ZFR: variants seen among roughly 807,000 people sequenced by gnomAD.
ZFR encodes zinc finger RNA-binding protein.
In ZFR, 19 loss-of-function variants were observed where a neutral mutation model predicts 130.7. The ratio of observed to expected loss-of-function variants is 0.15; its 90% CI spans 0.10 to 0.21. The LOEUF (loss-of-function observed/expected upper bound fraction) is 0.21. Among genes scored for constraint, ZFR ranks in the 10% least tolerant of loss-of-function variants. The pLI is 1.00. For synonymous variants in ZFR, 466 were observed against 456.9 expected (o/e 1.02, Z -0.25); for missense variants, 872 against 1,321.5 (o/e 0.66, Z 5.27).
rs373351555 is a variant in ZFR at position 32,444,218 on chromosome 5, G to A, written c.137+11C>T. The A allele has an allele frequency of 3.0e-4, 477 of 1,595,742 alleles. No homozygotes were observed. In the African/African-American group the frequency reaches 5.9e-3, roughly 20 times the overall value. ...CAAGGGGCGAACAGAGAGAAGGCAGGATGCCGTTACCTATATTGGGCCGCA... is the reference window on the plus strand; with the variant it reads ...CAAGGGGCGAACAGAGAGAAGGCAGAATGCCGTTACCTATATTGGGCCGCA... On this transcript the variant is annotated intron_variant, in intron 2 of 19. Coordinates refer to ENST00000265069, the MANE Select transcript of ZFR (RefSeq NM_016107.5).
At chr5:32,362,808 ACTTT>A (rs1367449597) in intron 19 of ZFR, among the ~76,000 whole-genome samples, 6 of 152,314 alleles carry the variant, frequency 3.9e-5, no homozygotes, top group South Asian at 4.1e-4. Context: ...AAACCAGACC[ACTTT>A]CTTTAAGGTC....
chr5:32,376,980 C>CAAAA (rs1752828457), intron 17 of ZFR, among the ~76,000 whole-genome samples: 1 of 55,162 alleles, frequency 1.8e-5, no homozygotes, highest in Non-Finnish European at 3.5e-5. Context: ...GAAAAAAAAC[C>CAAAA]CCTGTCTCTA....
intron 4 of ZFR, among the ~76,000 whole-genome samples, chr5:32,416,914 C>CTTT (rs57923621): frequency 9.0e-4 from 131 of 146,336 alleles, no homozygotes; most frequent in Middle Eastern, 7.1e-3. Flanking sequence ...CATTTTTTTT[C>CTTT]TTTTTTTTTT....
At chr5:32,425,165 T>A (rs1233096286) in intron 2 of ZFR, among the ~76,000 whole-genome samples, 6 of 152,234 alleles carry the variant, frequency 3.9e-5, no homozygotes, top group Non-Finnish European at 7.3e-5. Flanking sequence ...TATTCAGTGA[T>A]GTGGAGCTTA....
chr5:32,422,454 T>C (rs1359902941), intron 2 of ZFR, among the ~76,000 whole-genome samples: 2 of 152,240 alleles, frequency 1.3e-5, no homozygotes, highest in South Asian at 2.1e-4. Flanking sequence ...CTGCTCTGTA[T>C]AGCCAGGTCT....
intron 7 of ZFR, 60 bp downstream of exon 7, chr5:32,403,846 T>C (rs980561974): frequency 1.1e-5 from 16 of 1,469,660 alleles, no homozygotes; most frequent in Non-Finnish European, 1.3e-5. Flanking sequence ...CTAACCCCCT[T>C]TGAAAAAGTA....
intron 17 of ZFR, among the ~76,000 whole-genome samples, chr5:32,371,863 G>GAA (rs758339856): frequency 7.1e-6 from 1 of 141,136 alleles, no homozygotes. Flanking sequence ...TAGAGGTAGG[G>GAA]AAAAAAAAAA....
At chr5:32,390,830 T>A (rs1753151185) in intron 11 of ZFR, among the ~76,000 whole-genome samples, 1 of 152,190 alleles carries the variant, frequency 6.6e-6, no homozygotes, top group African/African-American at 2.4e-5. Flanking sequence ...TGCTCTTTCC[T>A]ATGTCTCTAC....
intron 19 of ZFR, among the ~76,000 whole-genome samples, chr5:32,357,955 C>G (rs1490513197): frequency 6.6e-6 from 1 of 152,210 alleles, no homozygotes; most frequent in African/African-American, 2.4e-5. Flanking sequence ...TATCTGTCTA[C>G]TTCTGTGCCA....
rs1021386507 is a variant in ZFR, at chr5:32,380,119, A to C, written c.2695T>G (p.Cys899Gly). ...CGTAGAGCAGCCAGAGCGTCAAGGC[A>C]TTTTTGCCTGTCCAAGACGTCCGGT... ...DPPDVLDRQK[C>G]LDALAALRHA... is the part of the protein sequence containing the mutation. Residue 899 changes from cysteine (C) to glycine (G), a missense_variant, in exon 16 of 20, where the codon TGC becomes GGC. This residue lies in a region of ZFR where 158 missense variants were observed against 264.0 expected (regional missense o/e 0.60). Transcript: ENST00000265069. The C allele has an allele frequency of 6.2e-7, 1 of 1,613,978 alleles. No homozygotes were observed.
rs538780134 is a variant in ZFR at position 32,376,127 on chromosome 5, C to T, written c.2835+2988G>A. On this transcript the variant is annotated intron_variant, in intron 17 of 19. Transcript: ENST00000265069. ...AAAGTGCTGGGATTACAGGCATGAGCCACCATGCCCAGTTTTAAATTAGTT... is the reference window on the plus strand; with the variant it reads ...AAAGTGCTGGGATTACAGGCATGAGTCACCATGCCCAGTTTTAAATTAGTT... 1.1e-4 allele frequency among the ~76,000 whole-genome samples: 17 copies of T among 152,100 alleles called. No homozygotes were observed. In the South Asian group the frequency reaches 1.9e-3, roughly 17 times the overall value.
At position 32,414,985 on chromosome 5, in the gene ZFR, T is replaced by C. The variant is rs1561907442; in HGVS notation, c.768A>G (p.Thr256=). 1.2e-6 allele frequency: 2 copies of C among 1,613,740 alleles called. No individual in the cohort carries two copies. The highest frequency in any genetic ancestry group is 2.2e-5 in the East Asian group (1 of 44,882). Residue 256 remains threonine (T), a synonymous_variant, in exon 5 of 20, where the codon ACA becomes ACG. Transcript: ENST00000265069. ...CAGTCTTACCAGAATATGTAACTGC[T>C]GTGGTACTGTAAGTAGCACTCTGAG... The part of the protein sequence containing the change: ...SYTQSATYST[T]AVTYSGTSYS...
chr5:32,440,520 G>A (rs1281651332), intron 2 of ZFR, among the ~76,000 whole-genome samples: 1 of 151,990 alleles, frequency 6.6e-6, no homozygotes, highest in Non-Finnish European at 1.5e-5. Flanking sequence ...GGTGGCACAC[G>A]CCTGTAATCC....
chr5:32,431,091 A>T (rs1754203422), intron 2 of ZFR, among the ~76,000 whole-genome samples: 1 of 152,246 alleles, frequency 6.6e-6, no homozygotes, highest in Non-Finnish European at 1.5e-5. Context: ...CGAAAGCAAG[A>T]GGAAAACCTG....
chr5:32,424,532 C>CAAAAAAA (rs575935210), intron 2 of ZFR, among the ~76,000 whole-genome samples: 1 of 62,678 alleles, frequency 1.6e-5, no homozygotes, highest in African/African-American at 5.3e-5. Flanking sequence ...GACTCCGTCT[C>CAAAAAAA]AAAAAAAAAA....
chr5:32,381,449 C>T (rs967409285), intron 15 of ZFR, among the ~76,000 whole-genome samples: 1 of 151,770 alleles, frequency 6.6e-6, no homozygotes, highest in African/African-American at 2.4e-5. Flanking sequence ...ATTATATAAT[C>T]TATTAAATAT....
At chr5:32,361,011 ATGCT>A (rs1752420201) in intron 19 of ZFR, among the ~76,000 whole-genome samples, 1 of 152,162 alleles carries the variant, frequency 6.6e-6, no homozygotes, top group Admixed American at 6.5e-5. Flanking sequence ...AGATAAGGTT[ATGCT>A]ATGTTGCCAG....
rs1754567254 is a variant in ZFR, at chr5:32,444,673, G to A, written c.-15C>T. ...ATGGGAATCATGGGCTCGGGCTGCTGCTGCTGAACTCTGAACTCTCACCCG... is the reference window on the plus strand; with the variant it reads ...ATGGGAATCATGGGCTCGGGCTGCTACTGCTGAACTCTGAACTCTCACCCG... On this transcript the variant is annotated 5_prime_UTR_variant, in exon 1 of 20. Transcript: ENST00000265069. The A allele has an allele frequency of 2.0e-6, 3 of 1,509,590 alleles. No individual in the cohort carries two copies. The highest frequency in any genetic ancestry group is 2.7e-6 in the Non-Finnish European group (3 of 1,128,862). 93.5% of individuals were successfully genotyped at this position (1,509,590 alleles called of 1,614,324 possible).
At chr5:32,363,538 T>A (rs572207525) in intron 19 of ZFR, among the ~76,000 whole-genome samples, 1 of 152,282 alleles carries the variant, frequency 6.6e-6, no homozygotes, top group South Asian at 2.1e-4. Flanking sequence ...CCCACATTTT[T>A]ATTTACTTTA....
Sources: allele counts gnomAD v4.1 joint callset (sites outside exome capture counted in the v4.1 genomes callset), GRCh38; gene constraint gnomAD v4.1.1; regional missense constraint gnomAD v4.1.1; transcripts MANE v1.5; gene names NCBI Gene and HGNC (gene_info 2026-07-23, HGNC 2026-07-21).